CCSER2: variants seen among roughly 807,000 people sequenced by gnomAD.
CCSER2 encodes the protein serine-rich coiled-coil domain-containing protein 2.
CCSER2 carries 46 observed loss-of-function variants against 92.3 expected under a neutral mutation model. The observed-to-expected ratio is 0.50, with a 90% CI of 0.39 to 0.64. The LOEUF is 0.64. CCSER2 is among the 30% of genes least tolerant of loss of function. The probability of loss-of-function intolerance (pLI) is 0.00; values close to 1 mark genes in which losing one functional copy is unlikely to be tolerated. For synonymous variants in CCSER2, 433 were observed against 431.4 expected (o/e 1.00, Z -0.04); for missense variants, 1,244 against 1,238.9 (o/e 1.00, Z -0.06).
In CCSER2 at chr10:84,515,625, G is replaced by A. The variant is rs1292731141; in HGVS notation, c.*1358G>A. 6.6e-6 allele frequency: 1 copy of A among 152,038 alleles called. No individual in the cohort carries two copies. The allele number at this position is 152,038 out of a possible 1,614,324, so 9.4% of individuals were successfully genotyped here. On this transcript the variant is annotated 3_prime_UTR_variant, in exon 10 of 10. Transcript: ENST00000372088. ...CCTGGCTAATTTTTTTGTATTTTTA[G>A]TAGAGATGAGATTTCACCTTGTTGG...
At chr10:84,495,173 TG>T (rs1344758128) in intron 9 of CCSER2, among the ~76,000 whole-genome samples, 22 of 143,772 alleles carry the variant, frequency 1.5e-4, no homozygotes, top group Admixed American at 3.0e-4. Flanking sequence ...CAGTTTGATA[TG>T]GTTTTTTTTT....
intron 3 of CCSER2, among the ~76,000 whole-genome samples, chr10:84,392,524 GT>G (rs940561078): frequency 3.1e-4 from 46 of 148,760 alleles, no homozygotes; most frequent in Non-Finnish European, 4.9e-4. Context: ...TTTATTTAAA[GT>G]TTTTTTTTTA....
chr10:84,486,685 CTG>C (rs1483278194), intron 9 of CCSER2, among the ~76,000 whole-genome samples: 1 of 152,154 alleles, frequency 6.6e-6, no homozygotes, highest in Non-Finnish European at 1.5e-5. Flanking sequence ...TTCTCCCCTT[CTG>C]TAGGTTGCCT....
rs146540379 is a variant in CCSER2, at chr10:84,351,629, C to T, written c.-39-19385C>T. Among the ~76,000 whole-genome samples the T allele has an allele frequency of 1.2e-3, 178 of 152,072 alleles. 1 individual carries two copies. Among genetic ancestry groups the T allele is most frequent in the African/African-American group, 4.0e-3 (164 of 41,460 alleles). On this transcript the variant is annotated intron_variant, in intron 1 of 9. Transcript: ENST00000372088. ...AAGTGATCCTCCCACTGCAGCCTTC[C>T]GAATAGCTTGGACTGTAGGCATGAG...
chr10:84,495,027 T>G (rs920177574), intron 9 of CCSER2, among the ~76,000 whole-genome samples: 3 of 151,832 alleles, frequency 2.0e-5, no homozygotes, highest in Non-Finnish European at 4.4e-5. Flanking sequence ...TGGTCTTATT[T>G]TCTCTAGTTT....
In CCSER2 at chr10:84,418,128, G is replaced by A. The variant is rs61865052; in HGVS notation, c.1705+267G>A. Among the ~76,000 whole-genome samples, 22,926 of 151,972 alleles carry A rather than the reference G, an allele frequency of 0.15. 1,854 individuals carry two copies. Among genetic ancestry groups the A allele is most frequent in the Admixed American group, 0.24 (3,633 of 15,282 alleles). ...GCAGATAAGAGTTGTCTTTTTTTCT[G>A]TGTATGTACCCAGTTTTTCCTCCCT... On this transcript the variant is annotated intron_variant, in intron 4 of 9. Coordinates refer to ENST00000372088, the MANE Select transcript of CCSER2 (RefSeq NM_001284240.2).
intron 6 of CCSER2, among the ~76,000 whole-genome samples, chr10:84,442,451 AG>A (rs1299467237): frequency 6.6e-6 from 1 of 152,208 alleles, no homozygotes; most frequent in Non-Finnish European, 1.5e-5. Context: ...GTAGGTTATA[AG>A]GCTGTATGTA....
At chr10:84,378,759 A>G (rs1032322650) in intron 3 of CCSER2, among the ~76,000 whole-genome samples, 5 of 152,044 alleles carry the variant, frequency 3.3e-5, no homozygotes, top group African/African-American at 1.2e-4. Context: ...TAGAAAAGAG[A>G]TAGGGTCTGT....
At chr10:84,465,325 T>A in intron 7 of CCSER2, among the ~76,000 whole-genome samples, 1 of 138,014 alleles carries the variant, frequency 7.2e-6, no homozygotes, top group East Asian at 2.1e-4. Context: ...TTTTTTTTTT[T>A]TTTTTTTTTT....
At position 84,455,683 on chromosome 10, in the gene CCSER2, A is replaced by G. The variant is rs1845575487; in HGVS notation, c.2065-8250A>G. 1.1e-5 allele frequency: 8 copies of G among 733,830 alleles called. No homozygotes were observed. The East Asian group carries it at 1.8e-4, about 17-fold the overall frequency. 45.5% of individuals were successfully genotyped at this position (733,830 alleles called of 1,614,324 possible). A position where few individuals can be genotyped will look rare whatever the true frequency, so the allele number is the denominator to read the frequency against. On this transcript the variant is annotated intron_variant, in intron 6 of 9. Transcript: ENST00000372088. ...GGAGATTGTTCACAGTCATGGAGTA[A>G]CTCCTCCCACTTAGATTCTTTACCA...
Position 84,513,654 on chromosome 10 carries a change from G to A in CCSER2, c.2531G>A (p.Gly844Asp). Residue 844 changes from glycine (G) to aspartate (D), a missense_variant, in exon 10 of 10, where the codon GGC becomes GAC. Coordinates refer to ENST00000372088, the MANE Select transcript of CCSER2 (RefSeq NM_001284240.2). Reference protein sequence around the residue: ...YGLEEQPFSSGPQLTMDVAKS... With the variant: ...YGLEEQPFSSDPQLTMDVAKS... The stretch of plus-strand genomic sequence containing the variant: ...TTGGAAGAGCAGCCTTTTTCATCAG[G>A]CCCACAATTAACAATGGATGTGGCT... The A allele has an allele frequency of 1.3e-6, 2 of 1,576,946 alleles. No homozygotes were observed. The highest frequency in any genetic ancestry group is 1.7e-6 in the Non-Finnish European group (2 of 1,163,730).
intron 1 of CCSER2, among the ~76,000 whole-genome samples, chr10:84,343,264 G>T (rs1844304947): frequency 6.6e-6 from 1 of 152,176 alleles, no homozygotes; most frequent in Admixed American, 6.6e-5. Flanking sequence ...GATACTGCCA[G>T]TCATTCAGGT....
intron 1 of CCSER2, among the ~76,000 whole-genome samples, chr10:84,338,854 T>TA (rs1220989690): frequency 6.6e-6 from 1 of 152,206 alleles, no homozygotes; most frequent in Admixed American, 6.5e-5. Context: ...ATATTACAGT[T>TA]ATAGCACTTT....
chr10:84,466,704 G>C (rs1261574467), intron 7 of CCSER2, among the ~76,000 whole-genome samples: 3 of 150,970 alleles, frequency 2.0e-5, no homozygotes, highest in Non-Finnish European at 4.4e-5. Flanking sequence ...TAGTAGGGAC[G>C]GGGTTTCACC....
Position 84,371,410 on chromosome 10 carries a change from T to C in CCSER2, c.358T>C (p.Phe120Leu). ...GGGAGGTTTGAAAAGTGTTTCTTTA[T>C]TCACATCAAAGTTAGCAAAGCCATC... Reference protein sequence around the residue: ...IKGGLKSVSLFTSKLAKPSTM... With the variant: ...IKGGLKSVSLLTSKLAKPSTM... Residue 120 changes from phenylalanine (F) to leucine (L), a missense_variant, in exon 2 of 10, where the codon TTC (phenylalanine) becomes CTC (leucine). Phe to Leu is a conservative substitution (Grantham distance 22). Transcript: ENST00000372088. 1.2e-6 allele frequency: 2 copies of C among 1,613,546 alleles called. No homozygotes were observed. The highest frequency in any genetic ancestry group is 1.1e-5 in the South Asian group (1 of 90,988).
rs563118214 is a variant in CCSER2 at position 84,504,199 on chromosome 10, T to G, written c.2326-9250T>G. On this transcript the variant is annotated intron_variant, in intron 9 of 9. Transcript: ENST00000372088. ...TTGGTCTATTTTGCCCATATAAATA[T>G]GAGCATTTAGGTTTTAATATACTGA... Among the ~76,000 whole-genome samples, 3 of 152,288 alleles carry G rather than the reference T, an allele frequency of 2.0e-5. No individual in the cohort carries two copies. The East Asian group carries it at 5.8e-4, about 29-fold the overall frequency.
At chr10:84,442,855 C>T (rs532853244) in intron 6 of CCSER2, among the ~76,000 whole-genome samples, 1 of 152,272 alleles carries the variant, frequency 6.6e-6, no homozygotes, top group Non-Finnish European at 1.5e-5. Flanking sequence ...CATTTACAAC[C>T]ATCTGACCTT....
At chr10:84,379,910 CT>C (rs1316688389) in intron 3 of CCSER2, among the ~76,000 whole-genome samples, 2 of 152,208 alleles carry the variant, frequency 1.3e-5, no homozygotes, top group South Asian at 4.2e-4. Flanking sequence ...TTCAGTTATT[CT>C]TTATTGCTAA....
At chr10:84,330,325 T>G (rs1187018683) in intron 1 of CCSER2, among the ~76,000 whole-genome samples, 2 of 152,200 alleles carry the variant, frequency 1.3e-5, no homozygotes, top group Admixed American at 6.5e-5. Context: ...GGTTTTTCAG[T>G]GTTCTTTGTT....
Sources: gnomAD v4.1 joint callset for allele counts (sites outside exome capture counted in the v4.1 genomes callset) on GRCh38, gnomAD v4.1.1 for gene constraint, MANE v1.5 for transcripts, NCBI Gene and HGNC (gene_info 2026-07-23, HGNC 2026-07-21) for gene names.